Variants in SFXN5 observed in about 807,000 individuals in gnomAD.
The protein encoded by SFXN5 is sideroflexin-5.
Under a neutral mutation model 50.2 loss-of-function variants are expected in SFXN5, and 43 were observed. The observed-to-expected ratio is 0.86, with a 90% CI of 0.67 to 1.11. SFXN5 has a LOEUF of 1.11. SFXN5 is among the 50% of genes least tolerant of loss of function. The pLI is 0.00. For synonymous variants in SFXN5, 203 were observed against 185.8 expected (o/e 1.09, Z -0.75); for missense variants, 463 against 454.1 (o/e 1.02, Z -0.18).
intron 9 of SFXN5, among the ~76,000 whole-genome samples, chr2:72,989,917 G>A (rs920228297): frequency 6.6e-6 from 1 of 152,210 alleles, no homozygotes; most frequent in African/African-American, 2.4e-5. Context: ...GGGGCAGCCT[G>A]CTCTGAGGTC....
intron 11 of SFXN5, among the ~76,000 whole-genome samples, chr2:72,969,750 T>A (rs1674929406): frequency 6.6e-6 from 1 of 151,754 alleles, no homozygotes; most frequent in African/African-American, 2.4e-5. Flanking sequence ...CAAGATCTTG[T>A]GTCTCTTGGC....
intron 12 of SFXN5, among the ~76,000 whole-genome samples, chr2:72,966,940 T>C (rs540370558): frequency 4.7e-4 from 71 of 152,286 alleles, no homozygotes; most frequent in Admixed American, 7.2e-4. Flanking sequence ...CCAAATCTAC[T>C]CTTCCCATTT....
intron 10 of SFXN5, among the ~76,000 whole-genome samples, chr2:72,978,102 C>T (rs1670856528): frequency 6.7e-6 from 1 of 150,354 alleles, no homozygotes; most frequent in South Asian, 2.1e-4. Context: ...GGCCTTCAAT[C>T]TATCTAGAAT....
intron 1 of SFXN5, among the ~76,000 whole-genome samples, chr2:73,069,830 A>G (rs1281928007): frequency 6.6e-6 from 1 of 152,180 alleles, no homozygotes; most frequent in Non-Finnish European, 1.5e-5. Flanking sequence ...AAAAGAAAAA[A>G]AAAAAGGAAA....
At chr2:73,005,016 G>A (rs943574719) in intron 6 of SFXN5, among the ~76,000 whole-genome samples, 2 of 152,168 alleles carry the variant, frequency 1.3e-5, no homozygotes, top group Non-Finnish European at 2.9e-5. Flanking sequence ...ATAGAGAGAG[G>A]GAGCCAGTCC....
At chr2:72,967,044 C>T (rs1235120456) in intron 12 of SFXN5, among the ~76,000 whole-genome samples, 1 of 152,218 alleles carries the variant, frequency 6.6e-6, no homozygotes, top group Non-Finnish European at 1.5e-5. Context: ...CTAAGCTTTG[C>T]AGCCGCACTC....
At chr2:72,996,558 G>C (rs145479441) in intron 9 of SFXN5, 1 of 149,048 alleles carries the variant, frequency 6.7e-6, no homozygotes, top group African/African-American at 2.5e-5. Flanking sequence ...GCCCAGTCTG[G>C]AGTGCAGGGG....
chr2:73,047,393 G>C (rs1346669264), intron 2 of SFXN5, among the ~76,000 whole-genome samples: 1 of 146,942 alleles, frequency 6.8e-6, no homozygotes, highest in Non-Finnish European at 1.5e-5. Flanking sequence ...ATGTATATGT[G>C]TGTGTGTGTA....
intron 2 of SFXN5, among the ~76,000 whole-genome samples, chr2:73,042,911 C>CA (rs911503216): frequency 1.6e-4 from 24 of 147,398 alleles, no homozygotes; most frequent in African/African-American, 4.8e-4. Context: ...ATTAAAAATA[C>CA]AAAAAAATTA....
At chr2:73,012,236 G>A (rs181065746) in intron 6 of SFXN5, among the ~76,000 whole-genome samples, 2 of 152,232 alleles carry the variant, frequency 1.3e-5, no homozygotes, top group African/African-American at 2.4e-5. Flanking sequence ...AGAGATTCGG[G>A]GTTGAGGAGC....
chr2:72,970,738 A>C (rs1434065254), intron 11 of SFXN5, among the ~76,000 whole-genome samples: 1 of 151,286 alleles, frequency 6.6e-6, no homozygotes, highest in Admixed American at 6.6e-5. Context: ...CCCAGGCTGG[A>C]GTGCAGTGAT....
Position 72,992,919 on chromosome 2 carries a change from G to A in SFXN5, c.535-4571C>T, listed in dbSNP as rs1479770766. Among the ~76,000 whole-genome samples, 1 of 152,218 alleles carries A rather than the reference G, an allele frequency of 6.6e-6. No individual in the cohort carries two copies. The highest frequency in any genetic ancestry group is 2.4e-5 in the African/African-American group (1 of 41,450). On this transcript the variant is annotated intron_variant, in intron 9 of 13. Transcript: ENST00000272433. This position sits in a 1 kb window ranked among gnomAD's most constrained non-coding sequence, Gnocchi z 4.5. ...GGCTACCTGTATGAGGAGGTGCCGT[G>A]AGGGAGTGGGCCCAAGGGTCATGAA...
intron 1 of SFXN5, among the ~76,000 whole-genome samples, chr2:73,069,285 C>T (rs959971909): frequency 2.0e-5 from 3 of 152,008 alleles, no homozygotes; most frequent in Non-Finnish European, 2.9e-5. Context: ...CTGCAGTGAC[C>T]CAGGAAATAG....
At chr2:73,040,786 AG>A in intron 3 of SFXN5, 67 bp downstream of exon 3, 8 of 1,314,780 alleles carry the variant, frequency 6.1e-6, no homozygotes, top group Non-Finnish European at 4.3e-6. Context: ...GCTGCAGCGA[AG>A]GGTTTGTGAA....
intron 10 of SFXN5, among the ~76,000 whole-genome samples, chr2:72,985,578 G>A (rs1200725615): frequency 1.4e-5 from 2 of 139,124 alleles, no homozygotes; most frequent in Non-Finnish European, 3.1e-5. Context: ...GGGTGGGAGG[G>A]GAGACTGGGG....
At chr2:73,068,796 C>T (rs535426020) in intron 1 of SFXN5, among the ~76,000 whole-genome samples, 106 of 151,888 alleles carry the variant, frequency 7.0e-4, no homozygotes, top group African/African-American at 2.4e-3. Context: ...ATGTATACAC[C>T]GAGAAAGGTA....
rs556248028 is a variant in SFXN5 at position 73,043,957 on chromosome 2, C to A, written c.172-3026G>T. On this transcript the variant is annotated intron_variant, in intron 2 of 13. Transcript: ENST00000272433. ...CAAGTTTAGTCAGACCCTCACTCTG[C>A]ACAACCCACCACACACCCCCTCAAT... 2.0e-5 allele frequency among the ~76,000 whole-genome samples: 3 copies of A among 152,262 alleles called. 1 individual carries two copies. The South Asian group carries it at 6.2e-4, about 32-fold the overall frequency.
At chr2:73,062,284 G>C (rs1406521797) in intron 1 of SFXN5, among the ~76,000 whole-genome samples, 1 of 152,130 alleles carries the variant, frequency 6.6e-6, no homozygotes, top group African/African-American at 2.4e-5. Context: ...CCATGAGTGG[G>C]CTGATGAGCA....
intron 3 of SFXN5, among the ~76,000 whole-genome samples, chr2:73,023,443 C>T (rs537555110): frequency 2.6e-4 from 40 of 152,118 alleles, no homozygotes; most frequent in African/African-American, 9.6e-4. Flanking sequence ...GGGGACCTTG[C>T]GCATCAATTA....
Sources: gnomAD v4.1 joint callset for allele counts (sites outside exome capture counted in the v4.1 genomes callset) on GRCh38, gnomAD v4.1.1 for gene constraint, Gnocchi (gnomAD v3.1) non-coding constraint, MANE v1.5 for transcripts, NCBI Gene and HGNC (gene_info 2026-07-23, HGNC 2026-07-21) for gene names.